CAPN5: variants seen among roughly 807,000 people sequenced by gnomAD.
The protein encoded by CAPN5 is calpain 5.
A neutral mutation model predicts 73.0 loss-of-function variants in CAPN5; 54 were observed. The observed-to-expected ratio is 0.74, with a 90% CI of 0.59 to 0.93. CAPN5 has a LOEUF of 0.93. CAPN5 is among the 40% of genes least tolerant of loss of function. The probability of loss-of-function intolerance (pLI) is 0.00; values close to 1 mark genes in which losing one functional copy is unlikely to be tolerated. For missense variants in CAPN5, 785 were observed against 882.9 expected (o/e 0.89, Z 1.41); for synonymous variants, 335 against 356.9 (o/e 0.94, Z 0.69).
At chr11:77,079,119 A>C (rs556013535) in intron 1 of CAPN5, among the ~76,000 whole-genome samples, 2 of 151,894 alleles carry the variant, frequency 1.3e-5, no homozygotes, top group African/African-American at 4.8e-5. Flanking sequence ...ATGGTGAATG[A>C]TCCTTTTAAT....
At chr11:77,074,288 G>C (rs1352386145) in intron 1 of CAPN5, among the ~76,000 whole-genome samples, 1 of 151,902 alleles carries the variant, frequency 6.6e-6, no homozygotes, top group Admixed American at 6.6e-5. Context: ...TGGCTCCCCT[G>C]TGCCCCAGTA....
intron 3 of CAPN5, chr11:77,103,420 T>C: frequency 6.8e-7 from 1 of 1,465,598 alleles, no homozygotes; most frequent in Non-Finnish European, 9.2e-7. Context: ...GGGGCCATTA[T>C]TCTCGCTGCT....
At chr11:77,108,297 G>T (rs1025279486) in intron 3 of CAPN5, among the ~76,000 whole-genome samples, 51 of 152,202 alleles carry the variant, frequency 3.4e-4, no homozygotes, top group Admixed American at 3.3e-3. Flanking sequence ...CCATGCTGGG[G>T]TGCCAGGAAA....
At chr11:77,097,041 T>C (rs1467400718) in intron 3 of CAPN5, among the ~76,000 whole-genome samples, 1 of 152,104 alleles carries the variant, frequency 6.6e-6, no homozygotes, top group South Asian at 2.1e-4. Flanking sequence ...GCTAACATGG[T>C]GAAACCCCGT....
At chr11:77,082,835 C>T (rs1950041922) in intron 1 of CAPN5, among the ~76,000 whole-genome samples, 2 of 152,356 alleles carry the variant, frequency 1.3e-5, no homozygotes, top group East Asian at 3.9e-4. Context: ...GGCGAGCTTC[C>T]TCTCCCTCTC....
intron 1 of CAPN5, among the ~76,000 whole-genome samples, chr11:77,077,010 A>G (rs1555034009): frequency 1.3e-5 from 2 of 152,218 alleles, no homozygotes; most frequent in East Asian, 1.9e-4. Flanking sequence ...CCTTTTCTCC[A>G]TATCCTCGCC....
At chr11:77,107,680 C>T (rs1321296330) in intron 3 of CAPN5, among the ~76,000 whole-genome samples, 9 of 152,250 alleles carry the variant, frequency 5.9e-5, no homozygotes, top group Non-Finnish European at 1.0e-4. Context: ...CCCATTCTGC[C>T]GTGGGTGGCC....
At chr11:77,103,177 A>G in intron 3 of CAPN5, 5 of 1,613,828 alleles carry the variant, frequency 3.1e-6, no homozygotes, top group Non-Finnish European at 4.2e-6. Flanking sequence ...GAGGACTCGG[A>G]TGCCATAGAT....
At chr11:77,108,994 G>A (rs961867785) in intron 3 of CAPN5, among the ~76,000 whole-genome samples, 13 of 152,284 alleles carry the variant, frequency 8.5e-5, no homozygotes, top group African/African-American at 2.4e-4. Context: ...TTTGTTGACT[G>A]TGTCTTTTTG....
intron 2 of CAPN5, chr11:77,088,059 C>T: frequency 2.0e-6 from 3 of 1,531,540 alleles, no homozygotes; most frequent in Non-Finnish European, 2.6e-6. Flanking sequence ...GGCCCGGGAC[C>T]TGGTAGGCGG....
chr11:77,107,622 C>T (rs1950365356), intron 3 of CAPN5, among the ~76,000 whole-genome samples: 1 of 152,126 alleles, frequency 6.6e-6, no homozygotes, highest in South Asian at 2.1e-4. Flanking sequence ...AATCCAGGAG[C>T]CAGGGATGCT....
chr11:77,091,423 T>G (rs1423397203), intron 2 of CAPN5, among the ~76,000 whole-genome samples: 2 of 152,220 alleles, frequency 1.3e-5, no homozygotes, highest in African/African-American at 4.8e-5. Flanking sequence ...AGAGGGCTGC[T>G]GCCATCTGCC....
chr11:77,116,393 C>T, intron 7 of CAPN5, 90 bp downstream of exon 7: 1 of 946,098 alleles, frequency 1.1e-6, no homozygotes, highest in Middle Eastern at 2.5e-4. Flanking sequence ...AGGAGCCAGG[C>T]CTCTCCTGCA....
intron 1 of CAPN5, among the ~76,000 whole-genome samples, chr11:77,072,167 T>G (rs1283042270): frequency 3.9e-5 from 6 of 152,178 alleles, no homozygotes; most frequent in African/African-American, 1.4e-4. Flanking sequence ...TCCTCTTCCC[T>G]CTCCCCTGCA....
chr11:77,114,553 C>T (rs1239310914), intron 5 of CAPN5, 119 bp downstream of exon 5: 7 of 922,412 alleles, frequency 7.6e-6, no homozygotes, highest in Admixed American at 3.7e-5. Flanking sequence ...CCCTCAGCCT[C>T]GTGGGGGAGG....
chr11:77,067,632 C>CGTGTGTGTGTGTGTGTGTGTGTGTGTGT (rs71043542), intron 1 of CAPN5, among the ~76,000 whole-genome samples: 6 of 126,738 alleles, frequency 4.7e-5, no homozygotes, highest in East Asian at 2.4e-4. Context: ...GGCGGGCGCA[C>CGTGTGTGTGTGTGTGTGTGTGTGTGTGT]GTGTGTGTGT....
chr11:77,098,830 AC>A (rs1426671110), intron 3 of CAPN5, among the ~76,000 whole-genome samples: 3 of 120,180 alleles, frequency 2.5e-5, no homozygotes, highest in South Asian at 5.8e-4. Context: ...CGGGGGGCTG[AC>A]CCCCCCCACC....
chr11:77,085,881 AG>A (rs1334491391), intron 2 of CAPN5, among the ~76,000 whole-genome samples: 1 of 152,144 alleles, frequency 6.6e-6, no homozygotes, highest in African/African-American at 2.4e-5. Context: ...AGTGACACTG[AG>A]GGTCGTCCCC....
chr11:77,071,069 C>T (rs1949900855), intron 1 of CAPN5, among the ~76,000 whole-genome samples: 1 of 152,190 alleles, frequency 6.6e-6, no homozygotes, highest in Non-Finnish European at 1.5e-5. Flanking sequence ...ATCTTTGGGG[C>T]CGTCATTCAG....
Sources: allele counts gnomAD v4.1 joint callset (sites outside exome capture counted in the v4.1 genomes callset), GRCh38; gene constraint gnomAD v4.1.1; transcripts MANE v1.5; gene names NCBI Gene and HGNC (gene_info 2026-07-23, HGNC 2026-07-21).